The following BDH1 variants were observed in gnomAD, a reference collection of about 807,000 sequenced individuals.
BDH1 encodes D-beta-hydroxybutyrate dehydrogenase, mitochondrial.
Under a neutral mutation model 33.1 loss-of-function variants are expected in BDH1, and 30 were observed. That is an observed-to-expected ratio of 0.91 (90% confidence interval 0.68 to 1.23). BDH1 has a LOEUF of 1.23. Among genes scored for constraint, BDH1 ranks in the 50% most tolerant of loss-of-function variants. The pLI is 0.00. For synonymous variants in BDH1, 190 were observed against 183.6 expected, an observed-to-expected ratio of 1.03 and a Z score of -0.28; for missense variants, 443 against 464.4, an observed-to-expected ratio of 0.95 and a Z score of 0.42.
intron 2 of BDH1, among the ~76,000 whole-genome samples, chr3:197,547,019 G>A (rs1423501935): frequency 1.3e-5 from 2 of 152,136 alleles, no homozygotes; most frequent in Non-Finnish European, 2.9e-5. Context: ...CAAACAAGGG[G>A]GCTCTGGCTC....
intron 1 of BDH1, among the ~76,000 whole-genome samples, chr3:197,562,363 C>T (rs1717294278): frequency 6.6e-6 from 1 of 152,146 alleles, no homozygotes; most frequent in South Asian, 2.1e-4. Flanking sequence ...GTCTGAGGAA[C>T]TGAACTGTTG....
chr3:197,558,415 T>G (rs1214456166), upstream of BDH1, among the ~76,000 whole-genome samples: 6 of 152,236 alleles, frequency 3.9e-5, no homozygotes, highest in Non-Finnish European at 8.8e-5. Flanking sequence ...CTGAGATATG[T>G]TCTATGCAGC....
In BDH1 at chr3:197,522,044, T is replaced by A. The variant is rs879573371; in HGVS notation, c.409+596A>T. Among the ~76,000 whole-genome samples the A allele has an allele frequency of 6.6e-6, 1 of 152,154 alleles. No individual in the cohort carries two copies. Among genetic ancestry groups the A allele is most frequent in the African/African-American group, 2.4e-5 (1 of 41,426 alleles). ...TGCGTGACCTGACCCATGACTCATATTGAGGTGCCGGCTAATCCCACCACT... is the reference window on the plus strand; with the variant it reads ...TGCGTGACCTGACCCATGACTCATAATGAGGTGCCGGCTAATCCCACCACT... On this transcript the variant is annotated intron_variant, in intron 6 of 7. Transcript: ENST00000392379. The surrounding 1 kb of genome is among the most constrained non-coding windows in gnomAD (Gnocchi z 4.8).
intron 2 of BDH1, among the ~76,000 whole-genome samples, chr3:197,552,009 A>G (rs1296942961): frequency 1.3e-5 from 2 of 152,152 alleles, no homozygotes; most frequent in Non-Finnish European, 2.9e-5. Flanking sequence ...TACGATTCAC[A>G]TGCCGCCAAC....
rs1291325918 is a variant in BDH1 at position 197,523,265 on chromosome 3, A to G, written c.268-484T>C. 1 of 153,030 alleles carries G rather than the reference A, an allele frequency of 6.5e-6. No individual in the cohort carries two copies. Among genetic ancestry groups the G allele is most frequent in the East Asian group, 1.9e-4 (1 of 5,200 alleles). The allele number at this position is 153,030 out of a possible 1,614,324, so 9.5% of individuals were successfully genotyped here. ...ACACTGTGAAGGCCAAAGCACGTCC[A>G]CAGGCCACATAGGACCAGCAGGCTG... On this transcript the variant is annotated intron_variant, in intron 5 of 7. Coordinates refer to ENST00000392379, the MANE Select transcript of BDH1 (RefSeq NM_203314.3). The surrounding 1 kb of genome is among the most constrained non-coding windows in gnomAD (Gnocchi z 4.5).
At chr3:197,570,987 A>G (rs1228061199) in intron 1 of BDH1, among the ~76,000 whole-genome samples, 1 of 152,224 alleles carries the variant, frequency 6.6e-6, no homozygotes, top group African/African-American at 2.4e-5. Flanking sequence ...GGGAGGGTGT[A>G]CCCTGCAAAG....
At chr3:197,557,268 C>T (rs751681595), upstream of BDH1, among the ~76,000 whole-genome samples, 5 of 152,184 alleles carry the variant, frequency 3.3e-5, no homozygotes, top group Non-Finnish European at 7.3e-5. The surrounding 1 kb of genome is among the most constrained non-coding windows in gnomAD (Gnocchi z 4.6). Flanking sequence ...ATTTCACTTG[C>T]GTGCATTCTT....
At chr3:197,515,391 G>A in intron 6 of BDH1, 1 of 985,760 alleles carries the variant, frequency 1.0e-6, no homozygotes, top group African/African-American at 1.7e-5. Flanking sequence ...GACAGGATCA[G>A]CGTCATCCAC....
At chr3:197,546,190 T>A in intron 3 of BDH1, 171 bp downstream of exon 3, 1 of 611,754 alleles carries the variant, frequency 1.6e-6, no homozygotes, top group Non-Finnish European at 2.9e-6. Flanking sequence ...CTGTGTGCCC[T>A]GGGAAAATGT....
intron 3 of BDH1, among the ~76,000 whole-genome samples, chr3:197,540,448 C>T (rs1715514175): frequency 8.0e-6 from 1 of 124,698 alleles, no homozygotes; most frequent in Non-Finnish European, 1.7e-5. Context: ...GGCGGGCAGA[C>T]ACTTGAGGCC....
At chr3:197,556,326 T>C (rs1226308642), upstream of BDH1, among the ~76,000 whole-genome samples, 1 of 152,228 alleles carries the variant, frequency 6.6e-6, no homozygotes, top group African/African-American at 2.4e-5. Context: ...TTGCTGTCTT[T>C]AGAGCTCATT....
At chr3:197,534,810 TG>T (rs1174160693) in intron 3 of BDH1, among the ~76,000 whole-genome samples, 1 of 152,248 alleles carries the variant, frequency 6.6e-6, no homozygotes, top group African/African-American at 2.4e-5. Context: ...GGTTTTAATC[TG>T]CATTTCCCTA....
rs1280136004 is a variant in BDH1, at chr3:197,510,491, CCCAAGAAGTGA to C, written c.*1393_*1403del. The C allele has an allele frequency of 6.6e-6, 1 of 152,464 alleles. No individual in the cohort carries two copies. Among genetic ancestry groups the C allele is most frequent in the Non-Finnish European group, 1.5e-5 (1 of 68,268 alleles). 9.4% of individuals were successfully genotyped at this position (152,464 alleles called of 1,614,324 possible). Reference sequence around the variant, plus strand: ...AGGGATGGCAGCTTTCAAACTGAAACCCAAGAAGTGATCATGCAGACCCTGCCTCAAGTGGC... The same window carrying C: ...AGGGATGGCAGCTTTCAAACTGAAACTCATGCAGACCCTGCCTCAAGTGGC... On this transcript the variant is annotated 3_prime_UTR_variant, in exon 8 of 8. Coordinates refer to ENST00000392379, the MANE Select transcript of BDH1 (RefSeq NM_203314.3).
intron 5 of BDH1, among the ~76,000 whole-genome samples, chr3:197,527,732 C>T (rs528325340): frequency 3.9e-5 from 6 of 152,220 alleles, no homozygotes; most frequent in South Asian, 4.2e-4. Flanking sequence ...CCCCTCTTCC[C>T]CTGGATTTCT....
intron 1 of BDH1, among the ~76,000 whole-genome samples, chr3:197,569,465 T>G (rs879903204): frequency 4.6e-5 from 7 of 152,226 alleles, no homozygotes; most frequent in Admixed American, 4.6e-4. Flanking sequence ...ATGTTTTGGC[T>G]GTGTCCCTAC....
chr3:197,547,517 C>G (rs542171499), intron 2 of BDH1, among the ~76,000 whole-genome samples: 59 of 152,392 alleles, frequency 3.9e-4, no homozygotes, highest in African/African-American at 1.4e-3. Flanking sequence ...GGCGTTTAAT[C>G]TGTTTAATCC....
intron 1 of BDH1, among the ~76,000 whole-genome samples, chr3:197,561,749 G>A (rs1247947987): frequency 6.6e-6 from 1 of 151,686 alleles, no homozygotes; most frequent in Admixed American, 6.6e-5. Context: ...TTTCTAATCT[G>A]GCCAAAATTT....
At chr3:197,513,328 CACTCA>C (rs1712291507) in intron 7 of BDH1, among the ~76,000 whole-genome samples, 1 of 147,568 alleles carries the variant, frequency 6.8e-6, no homozygotes, top group Non-Finnish European at 1.5e-5. Context: ...CCGGGGAGGG[CACTCA>C]GCCCATCCAG....
chr3:197,542,470 G>A lies in BDH1; in HGVS notation c.83+3891C>T, dbSNP rs117913097. The stretch of plus-strand genomic sequence containing the variant: ...ACAGCTATGCCGGTCTCAGTCTCTC[G>A]GGAGGCACAAGTTAAGCTCGAGATG... On this transcript the variant is annotated intron_variant, in intron 3 of 7. Transcript: ENST00000392379. 1.5e-3 allele frequency among the ~76,000 whole-genome samples: 228 copies of A among 151,568 alleles called. 1 individual carries two copies. The East Asian group carries it at 0.026, about 17-fold the overall frequency.
Sources: gnomAD v4.1 joint callset for allele counts (sites outside exome capture counted in the v4.1 genomes callset) on GRCh38, gnomAD v4.1.1 for gene constraint, Gnocchi (gnomAD v3.1) non-coding constraint, MANE v1.5 for transcripts, NCBI Gene and HGNC (gene_info 2026-07-23, HGNC 2026-07-21) for gene names.